MUCL1: variants seen among roughly 807,000 people sequenced by gnomAD.
MUCL1 encodes mucin like 1, also known as mucin-like protein 1.
A neutral mutation model predicts 9.2 loss-of-function variants in MUCL1; 11 were observed. The observed-to-expected ratio is 1.19, with a 90% CI of 0.75 to 1.97. MUCL1 has a LOEUF of 1.97. Among genes scored for constraint, MUCL1 ranks in the 30% most tolerant of loss-of-function variants. The probability of loss-of-function intolerance (pLI) is 0.00; values close to 1 mark genes in which losing one functional copy is unlikely to be tolerated. For synonymous variants in MUCL1, 48 were observed against 40.5 expected (o/e 1.19, Z -0.71); for missense variants, 144 against 110.9 (o/e 1.30, Z -1.34).
chr12:54,847,800 C>T (rs571380374), intron 1 of MUCL1, among the ~76,000 whole-genome samples: 1 of 152,204 alleles, frequency 6.6e-6, no homozygotes, highest in African/African-American at 2.4e-5. Context: ...GATTGAATGG[C>T]AATAAAGTAT....
chr12:54,839,093 T>A (rs1475584146), upstream of MUCL1, among the ~76,000 whole-genome samples: 1 of 152,186 alleles, frequency 6.6e-6, no homozygotes, highest in Non-Finnish European at 1.5e-5. Flanking sequence ...AATTTTAGTA[T>A]GTTTTCTTAA....
upstream of MUCL1, among the ~76,000 whole-genome samples, chr12:54,839,149 G>A (rs1959199353): frequency 1.3e-5 from 2 of 150,924 alleles, no homozygotes; most frequent in Non-Finnish European, 3.0e-5. Flanking sequence ...TAGTTTATTA[G>A]AACTTAATTT....
intron 1 of MUCL1, among the ~76,000 whole-genome samples, chr12:54,841,300 T>A (rs1199955353): frequency 2.6e-5 from 4 of 152,220 alleles, no homozygotes; most frequent in Non-Finnish European, 4.4e-5. Flanking sequence ...GATGCTGCAA[T>A]CAACACATGA....
chr12:54,843,972 A>G (rs1169827986), intron 1 of MUCL1, among the ~76,000 whole-genome samples: 1 of 152,170 alleles, frequency 6.6e-6, no homozygotes, highest in Non-Finnish European at 1.5e-5. Flanking sequence ...AAATAAATTG[A>G]ATTAGGTAAT....
At chr12:54,856,715 A>T in intron 2 of MUCL1, 55 bp from the exon 3 acceptor site, 1 of 1,556,812 alleles carries the variant, frequency 6.4e-7, no homozygotes, top group East Asian at 2.4e-5. Flanking sequence ...TGGGTGGGAT[A>T]AATTTTGTTC....
chr12:54,854,467 G>C, upstream of MUCL1: 1 of 750,978 alleles, frequency 1.3e-6, no homozygotes, highest in Non-Finnish European at 2.2e-6. Flanking sequence ...GACAGCTCCT[G>C]ATTGGTGCCC....
upstream of MUCL1, among the ~76,000 whole-genome samples, chr12:54,837,575 C>T (rs749139437): frequency 3.9e-5 from 6 of 152,114 alleles, no homozygotes; most frequent in African/African-American, 1.2e-4. Context: ...ACCATCCTGA[C>T]TAACATGGAG....
At chr12:54,839,475 A>G (rs1396257386) in intron 1 of MUCL1, 5 of 701,412 alleles carry the variant, frequency 7.1e-6, no homozygotes, top group Non-Finnish European at 1.3e-5. Context: ...CCAATTGTGG[A>G]CAGAGATCCC....
chr12:54,854,788 G>T, intron 1 of MUCL1, 148 bp downstream of exon 1: 1 of 691,356 alleles, frequency 1.4e-6, no homozygotes, highest in East Asian at 2.7e-5. Flanking sequence ...CGTTCAAGAT[G>T]GAGATGGTTA....
chr12:54,848,121 T>C (rs934630833), intron 1 of MUCL1, among the ~76,000 whole-genome samples: 6 of 151,700 alleles, frequency 4.0e-5, no homozygotes, highest in African/African-American at 1.5e-4. Context: ...CTGTGTGCCC[T>C]TGATGATCCC....
chr12:54,838,259 A>G (rs1027627688), upstream of MUCL1, among the ~76,000 whole-genome samples: 1 of 152,224 alleles, frequency 6.6e-6, no homozygotes, highest in Non-Finnish European at 1.5e-5. Context: ...ATAGGACCCT[A>G]ATCCTTTCTG....
Position 54,858,206 on chromosome 12 carries a change from G to A in MUCL1, c.237G>A (p.Trp79Ter), listed in dbSNP as rs766274450. ...ARKDIPVLPK[W>*]VGDLPNGRVC... ...TTTCTCTTGCAGTTTTACCCAAATG[G>A]GTTGGGGATCTCCCGAATGGTAGAG... Residue 79 changes from tryptophan (W) to a stop codon, truncating the protein, a stop_gained, in exon 4 of 4, where the codon TGG (tryptophan) becomes TGA (stop). Transcript: ENST00000308796. LOFTEE classifies it low-confidence loss of function (END_TRUNC). 6.2e-7 allele frequency: 1 copy of A among 1,613,384 alleles called. No homozygotes were observed. The highest frequency in any genetic ancestry group is 1.1e-5 in the South Asian group (1 of 91,062).
At chr12:54,837,406 T>C (rs553728967), upstream of MUCL1, among the ~76,000 whole-genome samples, 42 of 152,256 alleles carry the variant, frequency 2.8e-4, no homozygotes, top group African/African-American at 9.9e-4. Flanking sequence ...GAATAGCTAC[T>C]CCTGCTTGCT....
At chr12:54,855,067 C>A (rs760228671) in intron 1 of MUCL1, 49 bp from the exon 2 acceptor site, 1 of 1,551,170 alleles carries the variant, frequency 6.4e-7, no homozygotes, top group South Asian at 1.1e-5. Flanking sequence ...CCTCCATCCT[C>A]CAAACTGGTA....
upstream of MUCL1, among the ~76,000 whole-genome samples, chr12:54,836,379 A>G (rs1959193115): frequency 6.6e-6 from 1 of 152,108 alleles, no homozygotes. Context: ...AGTTGTGTAC[A>G]TAGAGGTGTT....
intron 1 of MUCL1, among the ~76,000 whole-genome samples, chr12:54,841,895 A>G (rs1401654386): frequency 6.6e-6 from 1 of 152,150 alleles, no homozygotes; most frequent in African/African-American, 2.4e-5. Context: ...ATCAACATTC[A>G]GGAGGCATTC....
chr12:54,841,117 A>G (rs1353341945), intron 1 of MUCL1, among the ~76,000 whole-genome samples: 1 of 152,216 alleles, frequency 6.6e-6, no homozygotes, highest in Non-Finnish European at 1.5e-5. Flanking sequence ...TATTTCACTA[A>G]GCATAATGTC....
intron 1 of MUCL1, among the ~76,000 whole-genome samples, chr12:54,844,535 C>T (rs1959232532): frequency 6.6e-6 from 1 of 152,120 alleles, no homozygotes; most frequent in African/African-American, 2.4e-5. Flanking sequence ...GTGATGTGCA[C>T]CTAAAAGAGA....
chr12:54,833,211 C>T (rs1257623515), intron 1 of MUCL1, among the ~76,000 whole-genome samples: 1 of 152,026 alleles, frequency 6.6e-6, no homozygotes, highest in Non-Finnish European at 1.5e-5. Context: ...TATTTACCTA[C>T]ACACACACAT....
Sources: allele counts gnomAD v4.1 joint callset (sites outside exome capture counted in the v4.1 genomes callset), GRCh38; gene constraint gnomAD v4.1.1; transcripts MANE v1.5; gene names NCBI Gene and HGNC (gene_info 2026-07-23, HGNC 2026-07-21).